Variants in PELI2 observed in about 807,000 individuals in gnomAD.
The protein encoded by PELI2 is E3 ubiquitin-protein ligase pellino homolog 2.
PELI2 carries 23 observed loss-of-function variants against 42.3 expected under a neutral mutation model. That is an observed-to-expected ratio of 0.54 (90% confidence interval 0.39 to 0.77). The LOEUF is 0.77. PELI2 is among the 30% of genes least tolerant of loss of function. PELI2 has a pLI of 0.00. For missense variants in PELI2, 463 were observed against 553.2 expected (o/e 0.84, Z 1.64); for synonymous variants, 245 against 212.2 (o/e 1.15, Z -1.34).
chr14:56,185,840 A>G (rs1404810488), intron 2 of PELI2, among the ~76,000 whole-genome samples: 1 of 152,096 alleles, frequency 6.6e-6, no homozygotes, highest in African/African-American at 2.4e-5. Flanking sequence ...TCTGGGTAGA[A>G]TTATTCATTG....
rs141995284 is a variant in PELI2 at position 56,288,198 on chromosome 14, T to G, written c.310-239T>G. Among the ~76,000 whole-genome samples the G allele has an allele frequency of 1.5e-3, 218 of 150,030 alleles. 1 individual carries two copies. The highest frequency in any genetic ancestry group is 5.0e-3 in the African/African-American group (208 of 41,436). ...CAAATATTTCAGAGGATACATCTCA[T>G]ATTATATTCTTAGCACAATACAATA... On this transcript the variant is annotated intron_variant, in intron 3 of 5. Coordinates refer to ENST00000267460, the MANE Select transcript of PELI2 (RefSeq NM_021255.3). This position sits in a 1 kb window ranked among gnomAD's most constrained non-coding sequence, Gnocchi z 4.6.
chr14:56,205,428 AAT>A (rs1566636375), intron 2 of PELI2, among the ~76,000 whole-genome samples: 1 of 152,114 alleles, frequency 6.6e-6, no homozygotes. Context: ...GAAGATTGAA[AAT>A]TCAGCAGGGA....
chr14:56,118,489 C>T lies in PELI2; in HGVS notation c.-172C>T, dbSNP rs1399164980. The T allele has an allele frequency of 5.5e-6, 2 of 361,864 alleles. No individual in the cohort carries two copies. Among genetic ancestry groups the T allele is most frequent in the Middle Eastern group, 7.6e-4 (1 of 1,314 alleles). The allele number at this position is 361,864 out of a possible 1,614,324, so 22.4% of individuals were successfully genotyped here. A position where few individuals can be genotyped will look rare whatever the true frequency, so the allele number is the denominator to read the frequency against. ...GAGTCAGGCGGAGCAGCCGCGCAGC[C>T]ACGACGGAGCAGCAGCGGGACTGGC... is the stretch of plus-strand genomic sequence containing the variant. On this transcript the variant is annotated 5_prime_UTR_variant, in exon 1 of 6. Transcript: ENST00000267460.
chr14:56,155,747 A>G (rs888890338), intron 1 of PELI2, among the ~76,000 whole-genome samples: 14 of 120,580 alleles, frequency 1.2e-4, no homozygotes, highest in African/African-American at 3.9e-4. Context: ...ACGCCCGGCT[A>G]ATTTTTTTTA....
chr14:56,147,274 A>G (rs149956272), intron 1 of PELI2, among the ~76,000 whole-genome samples: 6 of 151,978 alleles, frequency 3.9e-5, no homozygotes, highest in African/African-American at 1.4e-4. Flanking sequence ...TTTGCTTGCA[A>G]CTCTTTGCAT....
intron 2 of PELI2, among the ~76,000 whole-genome samples, chr14:56,220,362 A>G (rs959076685): frequency 2.0e-5 from 3 of 152,226 alleles, no homozygotes; most frequent in Admixed American, 6.5e-5. Context: ...GGGGAAAAAA[A>G]TAAGGGAAAG....
intron 2 of PELI2, among the ~76,000 whole-genome samples, chr14:56,270,020 T>TA (rs1428875074): frequency 6.6e-6 from 1 of 152,194 alleles, no homozygotes; most frequent in Non-Finnish European, 1.5e-5. Context: ...CACATATTCT[T>TA]ACTTTCTCTG....
intron 2 of PELI2, among the ~76,000 whole-genome samples, chr14:56,247,082 A>G (rs1354212565): frequency 1.3e-5 from 2 of 152,204 alleles, no homozygotes; most frequent in African/African-American, 4.8e-5. Flanking sequence ...GAGTTAATAA[A>G]TATAATGGAC....
chr14:56,184,689 C>G (rs1396144817), intron 2 of PELI2, among the ~76,000 whole-genome samples: 1 of 151,930 alleles, frequency 6.6e-6, no homozygotes, highest in Non-Finnish European at 1.5e-5. Flanking sequence ...TAGAATTTAA[C>G]TAATATTAGT....
At chr14:56,160,271 C>T (rs943712017) in intron 1 of PELI2, among the ~76,000 whole-genome samples, 7 of 152,084 alleles carry the variant, frequency 4.6e-5, no homozygotes, top group African/African-American at 1.7e-4. Context: ...AGAACCAAAA[C>T]CATATGGTGT....
chr14:56,212,595 A>C (rs1006845513), intron 2 of PELI2, among the ~76,000 whole-genome samples: 4 of 152,132 alleles, frequency 2.6e-5, no homozygotes, highest in Non-Finnish European at 4.4e-5. Context: ...ATGCTGTCTT[A>C]TTGTTCTCCT....
intron 2 of PELI2, among the ~76,000 whole-genome samples, chr14:56,213,890 C>T (rs1278013265): frequency 2.0e-5 from 3 of 152,158 alleles, no homozygotes; most frequent in African/African-American, 7.2e-5. Context: ...CTCACTCTGT[C>T]ACCCAGGCTG....
Position 56,125,241 on chromosome 14 carries a change from C to G in PELI2, c.77+6504C>G, listed in dbSNP as rs1029630597. On this transcript the variant is annotated intron_variant, in intron 1 of 5. Transcript: ENST00000267460. ...ATACTGACTGAGGACCAGCACTGCT[C>G]CCAGCCCTGGGCTACACCAGCAAAC... 4.6e-5 allele frequency among the ~76,000 whole-genome samples: 7 copies of G among 152,140 alleles called. No homozygotes were observed. The South Asian group carries it at 1.0e-3, about 23-fold the overall frequency.
intron 1 of PELI2, among the ~76,000 whole-genome samples, chr14:56,171,958 G>A (rs1327727998): frequency 6.6e-6 from 1 of 152,098 alleles, no homozygotes; most frequent in Non-Finnish European, 1.5e-5. Flanking sequence ...GGAGGTTGTC[G>A]TGAGCCAGGA....
chr14:56,127,857 T>G (rs1212157021), intron 1 of PELI2, among the ~76,000 whole-genome samples: 1 of 152,206 alleles, frequency 6.6e-6, no homozygotes, highest in Non-Finnish European at 1.5e-5. Flanking sequence ...TCAAAATTGA[T>G]CAACTGAGTG....
In PELI2 at chr14:56,296,582, G is replaced by A. The variant is rs778398071; in HGVS notation, c.697-18G>A. ...TTGATTTTGCTTTTAAAAGGCATGT[G>A]TCTCAAACTTGTTGTAGGTGGAAAG... On this transcript the variant is annotated intron_variant, in intron 5 of 5. Coordinates refer to ENST00000267460, the MANE Select transcript of PELI2 (RefSeq NM_021255.3). 3.2e-6 allele frequency: 5 copies of A among 1,553,980 alleles called. No homozygotes were observed. Among genetic ancestry groups the A allele is most frequent in the South Asian group, 1.2e-5 (1 of 85,546 alleles).
chr14:56,256,349 G>A (rs1888527186), intron 2 of PELI2, among the ~76,000 whole-genome samples: 1 of 152,028 alleles, frequency 6.6e-6, no homozygotes, highest in South Asian at 2.1e-4. Context: ...GGTGGGAGAA[G>A]GCAGAGGTGG....
chr14:56,241,503 C>T (rs1029792044), intron 2 of PELI2, among the ~76,000 whole-genome samples: 6 of 151,988 alleles, frequency 3.9e-5, no homozygotes, highest in Non-Finnish European at 8.8e-5. Flanking sequence ...CCTGTATTGC[C>T]GAGGGCCTAC....
intron 2 of PELI2, among the ~76,000 whole-genome samples, chr14:56,224,705 T>C (rs1887276803): frequency 6.6e-6 from 1 of 152,254 alleles, no homozygotes; most frequent in Non-Finnish European, 1.5e-5. Flanking sequence ...TTGATTTCTG[T>C]ATATATACAT....
Sources: allele counts gnomAD v4.1 joint callset (sites outside exome capture counted in the v4.1 genomes callset), GRCh38; gene constraint gnomAD v4.1.1; non-coding constraint Gnocchi (gnomAD v3.1); transcripts MANE v1.5; gene names NCBI Gene and HGNC (gene_info 2026-07-23, HGNC 2026-07-21).